PRIM2: variants seen among roughly 807,000 people sequenced by gnomAD.
PRIM2 encodes DNA primase large subunit.
A neutral mutation model predicts 67.3 loss-of-function variants in PRIM2; 39 were observed. The observed-to-expected ratio is 0.58, with a 90% CI of 0.45 to 0.76. The LOEUF is 0.76. PRIM2 is among the 30% of genes least tolerant of loss of function. PRIM2 has a pLI of 0.00. For synonymous variants in PRIM2, 143 were observed against 198.7 expected (o/e 0.72, Z 2.36); for missense variants, 398 against 598.7 (o/e 0.66, Z 3.50).
At chr6:57,592,246 T>C (rs1245156929) in intron 10 of PRIM2, among the ~76,000 whole-genome samples, 3 of 152,208 alleles carry the variant, frequency 2.0e-5, no homozygotes, top group Admixed American at 1.3e-4. Context: ...GATGGGATCA[T>C]TAAAAGCCCT....
the PRIM2 span, among the ~76,000 whole-genome samples, chr6:57,235,382 T>G: frequency 6.6e-6 from 1 of 151,636 alleles, no homozygotes. Context: ...GAGAATCACT[T>G]GAACCCAGGA....
At chr6:57,644,192 G>A (rs1777294673) in intron 13 of PRIM2, among the ~76,000 whole-genome samples, 2 of 152,084 alleles carry the variant, frequency 1.3e-5, no homozygotes, top group South Asian at 4.2e-4. Context: ...ATTCCTTATT[G>A]TTTCCTTGTA....
chr6:57,303,192 A>G, the PRIM2 span, among the ~76,000 whole-genome samples: 3 of 152,310 alleles, frequency 2.0e-5, no homozygotes, highest in East Asian at 3.9e-4. Context: ...GATAAAAACT[A>G]ATATAATTAA....
At chr6:57,491,018 A>T (rs1773876224) in intron 7 of PRIM2, among the ~76,000 whole-genome samples, 1 of 152,318 alleles carries the variant, frequency 6.6e-6, no homozygotes, top group African/African-American at 2.4e-5. Flanking sequence ...AGGAGAGAAA[A>T]ATATTCAAAT....
chr6:57,335,557 G>C (rs1768208079), intron 5 of PRIM2, among the ~76,000 whole-genome samples: 1 of 152,220 alleles, frequency 6.6e-6, no homozygotes, highest in Non-Finnish European at 1.5e-5. Context: ...CCTGACCCCT[G>C]ACCCCCGAGC....
At chr6:57,492,547 A>T (rs1219176533) in intron 7 of PRIM2, among the ~76,000 whole-genome samples, 84 of 151,540 alleles carry the variant, frequency 5.5e-4, no homozygotes, top group African/African-American at 1.1e-3. Flanking sequence ...CTCTCTAAAA[A>T]AAAAAAATAA....
chr6:57,226,063 A>G, the PRIM2 span, among the ~76,000 whole-genome samples: 7 of 152,314 alleles, frequency 4.6e-5, no homozygotes, highest in African/African-American at 1.7e-4. Flanking sequence ...TAAAAAAAAT[A>G]CATATTGTGC....
At chr6:57,492,640 ATTAG>A (rs1454833176) in intron 7 of PRIM2, among the ~76,000 whole-genome samples, 2 of 152,194 alleles carry the variant, frequency 1.3e-5, no homozygotes, top group Non-Finnish European at 2.9e-5. Context: ...TTGATATATA[ATTAG>A]TATACAAAGT....
intron 5 of PRIM2, among the ~76,000 whole-genome samples, 163 bp from the exon 6 acceptor site, chr6:57,379,738 A>G (rs560283213): frequency 0.011 from 1,666 of 152,330 alleles, 21 homozygotes; most frequent in Middle Eastern, 0.044. Flanking sequence ...TTTTGCCTTC[A>G]CTAATGATAG....
intron 7 of PRIM2, among the ~76,000 whole-genome samples, chr6:57,393,478 C>T (rs941478280): frequency 2.0e-5 from 3 of 152,070 alleles, no homozygotes; most frequent in African/African-American, 4.8e-5. Flanking sequence ...CTATTCATAT[C>T]CTTAGCCCAC....
chr6:57,283,513 T>A, the PRIM2 span, among the ~76,000 whole-genome samples: 1 of 152,316 alleles, frequency 6.6e-6, no homozygotes, highest in South Asian at 2.1e-4. Flanking sequence ...AGGTGGCAGA[T>A]ACTGAAGATT....
At chr6:57,385,263 T>C (rs1261348422) in intron 7 of PRIM2, among the ~76,000 whole-genome samples, 1 of 152,196 alleles carries the variant, frequency 6.6e-6, no homozygotes, top group Non-Finnish European at 1.5e-5. Context: ...AATAAGAGTA[T>C]TTATGAACTT....
chr6:57,234,827 T>G, the PRIM2 span, among the ~76,000 whole-genome samples: 1 of 152,172 alleles, frequency 6.6e-6, no homozygotes, highest in Non-Finnish European at 1.5e-5. Context: ...CCAGCCCTGA[T>G]GTGTTTTATT....
Position 57,372,080 on chromosome 6 carries a change from A to C in PRIM2, c.460-7821A>C, listed in dbSNP as rs371728227. On this transcript the variant is annotated intron_variant, in intron 5 of 13. Transcript: ENST00000615550. Reference sequence around the variant, plus strand: ...CTACAATGAGTGTTGATTATCTGTAATTTGTGCTCTGACCCTTTAAAATTT... The same window carrying C: ...CTACAATGAGTGTTGATTATCTGTACTTTGTGCTCTGACCCTTTAAAATTT... Among the ~76,000 whole-genome samples the C allele has an allele frequency of 7.5e-3, 1,144 of 152,304 alleles. 14 individuals are homozygous for C. The highest frequency in any genetic ancestry group is 0.026 in the African/African-American group (1,089 of 41,544).
intron 6 of PRIM2, among the ~76,000 whole-genome samples, chr6:57,380,205 G>T (rs1038497864): frequency 6.6e-6 from 1 of 152,042 alleles, no homozygotes; most frequent in African/African-American, 2.4e-5. Flanking sequence ...CCCTGCTTGG[G>T]CTCTGACCTC....
intron 10 of PRIM2, among the ~76,000 whole-genome samples, chr6:57,586,069 G>A (rs1776181850): frequency 6.6e-6 from 1 of 152,122 alleles, no homozygotes; most frequent in African/African-American, 2.4e-5. Context: ...GTGAGAGTGA[G>A]GTCAACTGGA....
chr6:57,351,728 TAGAC>T (rs1243374024), intron 5 of PRIM2, among the ~76,000 whole-genome samples: 3 of 152,074 alleles, frequency 2.0e-5, no homozygotes, highest in African/African-American at 4.8e-5. Flanking sequence ...CCAGTAGAGA[TAGAC>T]AGTGGGCAGT....
At chr6:57,346,702 T>C (rs1768689643) in intron 5 of PRIM2, among the ~76,000 whole-genome samples, 1 of 152,196 alleles carries the variant, frequency 6.6e-6, no homozygotes, top group Non-Finnish European at 1.5e-5. Flanking sequence ...TCTTTTTGGC[T>C]GAAGTCTTGT....
chr6:57,308,515 G>A, the PRIM2 span, among the ~76,000 whole-genome samples: 6 of 152,058 alleles, frequency 3.9e-5, no homozygotes, highest in East Asian at 1.9e-4. Flanking sequence ...TGATGTCTAC[G>A]CTCAAAACTT....
Sources: allele counts gnomAD v4.1 joint callset (sites outside exome capture counted in the v4.1 genomes callset), GRCh38; gene constraint gnomAD v4.1.1; transcripts MANE v1.5; gene names NCBI Gene and HGNC (gene_info 2026-07-23, HGNC 2026-07-21).